Variants in CDH18 observed in about 807,000 individuals in gnomAD.
The protein encoded by CDH18 is cadherin 18.
A neutral mutation model predicts 67.9 loss-of-function variants in CDH18; 31 were observed. The ratio of observed to expected loss-of-function variants is 0.46; its 90% CI spans 0.34 to 0.62. CDH18 has a LOEUF of 0.62. CDH18 is among the 20% of genes least tolerant of loss of function. The pLI is 0.01. For missense variants in CDH18, 890 were observed against 975.5 expected (o/e 0.91, Z 1.17); for synonymous variants, 362 against 347.2 (o/e 1.04, Z -0.48).
chr5:19,642,302 T>C (rs1010128428), intron 5 of CDH18, among the ~76,000 whole-genome samples: 1 of 151,944 alleles, frequency 6.6e-6, no homozygotes, highest in African/African-American at 2.4e-5. Context: ...TCCCAATGAC[T>C]TTCTTTATGG....
chr5:19,706,699 C>T (rs947890960), intron 5 of CDH18, among the ~76,000 whole-genome samples: 2 of 152,172 alleles, frequency 1.3e-5, no homozygotes, highest in Non-Finnish European at 2.9e-5. Context: ...GACAATGCCC[C>T]AGGCTATACT....
chr5:20,214,514 G>C (rs1332645445), intron 2 of CDH18, among the ~76,000 whole-genome samples: 1 of 151,964 alleles, frequency 6.6e-6, no homozygotes, highest in African/African-American at 2.4e-5. Context: ...AGAGAATACA[G>C]AGCCCAGAAA....
At chr5:19,660,549 T>C (rs1419128612) in intron 5 of CDH18, among the ~76,000 whole-genome samples, 2 of 152,166 alleles carry the variant, frequency 1.3e-5, no homozygotes, top group Non-Finnish European at 2.9e-5. Context: ...TTTCTTTTAC[T>C]TGGTTGTGCT....
chr5:19,722,130 T>C (rs1376148914), intron 4 of CDH18, among the ~76,000 whole-genome samples: 2 of 152,174 alleles, frequency 1.3e-5, no homozygotes, highest in African/African-American at 4.8e-5. Context: ...CTTGGCTCAC[T>C]GCAACTTCTG....
intron 12 of CDH18, among the ~76,000 whole-genome samples, chr5:19,478,863 T>C (rs1322384774): frequency 3.9e-5 from 6 of 152,148 alleles, no homozygotes; most frequent in African/African-American, 1.4e-4. Context: ...AAATTCTGAT[T>C]GCATCATAAA....
chr5:19,920,266 C>G (rs2150163959), intron 2 of CDH18, among the ~76,000 whole-genome samples: 1 of 152,230 alleles, frequency 6.6e-6, no homozygotes, highest in Non-Finnish European at 1.5e-5. Context: ...GTAAACCAAT[C>G]ACTTAATTTC....
intron 2 of CDH18, among the ~76,000 whole-genome samples, chr5:20,237,259 A>C (rs1368907807): frequency 6.6e-6 from 1 of 151,928 alleles, no homozygotes; most frequent in East Asian, 1.9e-4. Flanking sequence ...TCACCCTAAG[A>C]AGAGGAAAAA....
intron 9 of CDH18, 112 bp from the exon 10 acceptor site, chr5:19,520,890 G>T: frequency 8.5e-7 from 1 of 1,177,966 alleles, no homozygotes; most frequent in Non-Finnish European, 1.2e-6. Flanking sequence ...TGCCATAGCT[G>T]GACTTTTGGC....
At position 19,744,950 on chromosome 5, in the gene CDH18, C is replaced by T. The variant is rs77531741; in HGVS notation, c.523+1992G>A. On this transcript the variant is annotated intron_variant, in intron 4 of 12. Transcript: ENST00000382275. ...CTCTTCCTGGAACTTGGAAAGTCTA[C>T]TAAACTTGTAAAGTCAGTATATTAT... is the stretch of plus-strand genomic sequence containing the variant. Among the ~76,000 whole-genome samples the T allele has an allele frequency of 3.6e-3, 547 of 152,264 alleles. 1 individual carries two copies. The highest frequency in any genetic ancestry group is 0.013 in the African/African-American group (525 of 41,556).
intron 2 of CDH18, among the ~76,000 whole-genome samples, chr5:20,227,919 C>T (rs1169886921): frequency 2.0e-5 from 3 of 152,136 alleles, no homozygotes; most frequent in Non-Finnish European, 4.4e-5. Flanking sequence ...TTCCATTTCA[C>T]TTTCTGTCCA....
intron 2 of CDH18, among the ~76,000 whole-genome samples, chr5:19,964,307 G>A (rs2150314233): frequency 6.6e-6 from 1 of 151,968 alleles, no homozygotes; most frequent in South Asian, 2.1e-4. Context: ...AAGATTGGGT[G>A]CAGTGGCTCA....
At chr5:19,583,272 A>G (rs1580333635) in intron 7 of CDH18, among the ~76,000 whole-genome samples, 3 of 152,240 alleles carry the variant, frequency 2.0e-5, no homozygotes, top group Admixed American at 2.0e-4. Context: ...AATAAAACTG[A>G]TAGGTTTTCC....
In CDH18 at chr5:20,416,642, G is replaced by A. The variant is rs533119802; in HGVS notation, c.-580+158820C>T. 2.5e-4 allele frequency among the ~76,000 whole-genome samples: 38 copies of A among 152,058 alleles called. No individual in the cohort carries two copies. The East Asian group carries it at 2.7e-3, about 11-fold the overall frequency. ...AATATTTTTAGTTATTAAATTATGC[G>A]CAAAAGGCTGACTCAGTGGAAATAT... is the stretch of plus-strand genomic sequence containing the variant. On this transcript the variant is annotated intron_variant, in intron 1 of 14. Transcript: ENST00000507958.
At chr5:20,353,320 A>G (rs966960202) in intron 1 of CDH18, among the ~76,000 whole-genome samples, 2 of 152,178 alleles carry the variant, frequency 1.3e-5, no homozygotes, top group African/African-American at 4.8e-5. Flanking sequence ...GAGGCTTTTC[A>G]GAGATTGCTT....
At chr5:20,089,350 G>A (rs1258521556) in intron 2 of CDH18, among the ~76,000 whole-genome samples, 1 of 151,954 alleles carries the variant, frequency 6.6e-6, no homozygotes, top group Non-Finnish European at 1.5e-5. Context: ...GTTAAACTAT[G>A]TGTATATCAA....
chr5:19,496,078 A>C (rs967735836), intron 11 of CDH18, among the ~76,000 whole-genome samples: 9 of 152,198 alleles, frequency 5.9e-5, no homozygotes, highest in African/African-American at 1.9e-4. Context: ...CTCTAAGCTG[A>C]AAAGCCCTGG....
chr5:20,066,471 C>T (rs1227165216), intron 2 of CDH18, among the ~76,000 whole-genome samples: 1 of 151,988 alleles, frequency 6.6e-6, no homozygotes, highest in African/African-American at 2.4e-5. Flanking sequence ...GGGAATATGA[C>T]TTGACACAAA....
intron 2 of CDH18, among the ~76,000 whole-genome samples, chr5:19,849,343 A>C (rs1233368334): frequency 6.6e-6 from 1 of 151,906 alleles, no homozygotes; most frequent in Non-Finnish European, 1.5e-5. Context: ...TTAAACATCT[A>C]GAGTTAATAG....
intron 1 of CDH18, among the ~76,000 whole-genome samples, chr5:20,515,119 T>G (rs1755279844): frequency 1.3e-5 from 2 of 152,000 alleles, no homozygotes; most frequent in African/African-American, 4.8e-5. Context: ...GTCATGTAAA[T>G]ATTGTTGAAT....
Sources: allele counts gnomAD v4.1 joint callset (sites outside exome capture counted in the v4.1 genomes callset), GRCh38; gene constraint gnomAD v4.1.1; transcripts MANE v1.5; gene names NCBI Gene and HGNC (gene_info 2026-07-23, HGNC 2026-07-21).